The following DOCK4 variants were observed in gnomAD, a reference collection of about 807,000 sequenced individuals.
DOCK4 encodes dedicator of cytokinesis protein 4.
DOCK4 carries 97 observed loss-of-function variants against 268.1 expected under a neutral mutation model. The ratio of observed to expected loss-of-function variants is 0.36; its 90% CI spans 0.31 to 0.43. DOCK4 has a LOEUF of 0.43. Ranked by LOEUF, DOCK4 falls within the 20% of genes least tolerant of loss-of-function variation. The pLI is 1.00. For synonymous variants in DOCK4, 954 were observed against 887.2 expected, an observed-to-expected ratio of 1.08 and a Z score of -1.34; for missense variants, 2,145 against 2,455.7, an observed-to-expected ratio of 0.87 and a Z score of 2.67.
At chr7:111,739,266 G>C in intron 48 of DOCK4, 23 bp from the exon 49 acceptor site, 1 of 1,605,824 alleles carries the variant, frequency 6.2e-7, no homozygotes, top group South Asian at 1.1e-5. Flanking sequence ...GGAGAGAGAG[G>C]ATCATCAGCA....
At chr7:112,203,374 C>T (rs929195036) in intron 1 of DOCK4, among the ~76,000 whole-genome samples, 12 of 152,068 alleles carry the variant, frequency 7.9e-5, no homozygotes, top group African/African-American at 2.2e-4. Flanking sequence ...TTAAATGGGA[C>T]GGTGCCTATA....
chr7:112,054,257 A>G (rs1377278136), intron 1 of DOCK4, among the ~76,000 whole-genome samples: 2 of 152,216 alleles, frequency 1.3e-5, no homozygotes, highest in Non-Finnish European at 2.9e-5. Context: ...CAAAATAATG[A>G]CTTGCTCAGC....
intron 1 of DOCK4, among the ~76,000 whole-genome samples, chr7:112,055,394 C>T (rs1397271200): frequency 2.6e-5 from 4 of 152,056 alleles, no homozygotes; most frequent in Admixed American, 2.0e-4. Context: ...CCTGTAGATA[C>T]GCCAATGAAC....
At chr7:111,791,984 C>T (rs188404186) in intron 30 of DOCK4, among the ~76,000 whole-genome samples, 1 of 152,218 alleles carries the variant, frequency 6.6e-6, no homozygotes, top group African/African-American at 2.4e-5. Context: ...CAATAGTGAA[C>T]CCACAATGGT....
rs142078876 is a variant in DOCK4 at position 111,999,628 on chromosome 7, C to T, written c.162+866G>A. 1.9e-3 allele frequency among the ~76,000 whole-genome samples: 285 copies of T among 152,062 alleles called. 3 individuals carry two copies. Among genetic ancestry groups the T allele is most frequent in the African/African-American group, 6.5e-3 (271 of 41,516 alleles). On this transcript the variant is annotated intron_variant, in intron 3 of 52. Transcript: ENST00000428084. The stretch of plus-strand genomic sequence containing the variant: ...AATTTATATACTCTTTTGTCCCTTA[C>T]CGTTCCCCTTTAGGATGACCTAAAA...
At chr7:112,109,927 T>A (rs1381152699) in intron 1 of DOCK4, among the ~76,000 whole-genome samples, 1 of 146,484 alleles carries the variant, frequency 6.8e-6, no homozygotes, top group Non-Finnish European at 1.5e-5. Flanking sequence ...TTGTGTTTTT[T>A]AGGAGACGGG....
chr7:111,823,564 A>G (rs538967280), intron 26 of DOCK4, among the ~76,000 whole-genome samples: 1 of 152,268 alleles, frequency 6.6e-6, no homozygotes, highest in Non-Finnish European at 1.5e-5. Context: ...TATAGCATAC[A>G]ATACTTAAAG....
At chr7:111,985,923 A>C (rs1049516280) in intron 6 of DOCK4, among the ~76,000 whole-genome samples, 5 of 152,190 alleles carry the variant, frequency 3.3e-5, no homozygotes, top group Admixed American at 3.3e-4. Context: ...TTGCTGATGA[A>C]GATCATTTAG....
intron 1 of DOCK4, among the ~76,000 whole-genome samples, chr7:112,139,970 T>C (rs1259414452): frequency 6.6e-6 from 1 of 152,010 alleles, no homozygotes; most frequent in Non-Finnish European, 1.5e-5. Context: ...AATACAATTA[T>C]CTCTAGCATT....
chr7:111,940,883 C>A (rs1429058370), intron 10 of DOCK4, among the ~76,000 whole-genome samples: 1 of 152,016 alleles, frequency 6.6e-6, no homozygotes, highest in Non-Finnish European at 1.5e-5. Flanking sequence ...AGACAAAAAG[C>A]AAAAAGTACA....
intron 17 of DOCK4, 128 bp downstream of exon 17, chr7:111,876,902 T>A: frequency 3.3e-6 from 3 of 912,088 alleles, no homozygotes. Context: ...TTACTAGAAA[T>A]CACAAATGGA....
chr7:111,913,408 A>T (rs1006065086), intron 13 of DOCK4, among the ~76,000 whole-genome samples: 7 of 132,572 alleles, frequency 5.3e-5, no homozygotes, highest in Non-Finnish European at 9.8e-5. Flanking sequence ...CATCTTTACA[A>T]TTTTTTTTTT....
At chr7:111,785,695 C>T (rs1375079583) in intron 32 of DOCK4, among the ~76,000 whole-genome samples, 1 of 152,168 alleles carries the variant, frequency 6.6e-6, no homozygotes, top group African/African-American at 2.4e-5. Context: ...GAGAGGCTAT[C>T]ATCAAGAAGA....
chr7:112,083,548 T>C lies in DOCK4; in HGVS notation c.38-79417A>G, dbSNP rs534571172. ...ATCTCTAATTCTTTTTGGAACAAAATGATTAAGGTAAATAAAATAAAATAA... is the reference window on the plus strand; with the variant it reads ...ATCTCTAATTCTTTTTGGAACAAAACGATTAAGGTAAATAAAATAAAATAA... On this transcript the variant is annotated intron_variant, in intron 1 of 52. Coordinates refer to ENST00000428084, the MANE Select transcript of DOCK4 (RefSeq NM_001363540.2). Among the ~76,000 whole-genome samples the C allele has an allele frequency of 2.0e-4, 31 of 152,064 alleles. No homozygotes were observed. The South Asian group carries it at 6.2e-3, about 30-fold the overall frequency.
At chr7:111,873,448 G>A (rs949234953) in intron 17 of DOCK4, among the ~76,000 whole-genome samples, 1 of 152,188 alleles carries the variant, frequency 6.6e-6, no homozygotes, top group African/African-American at 2.4e-5. Context: ...GCAGGGCAGC[G>A]GGACCTGGTA....
intron 1 of DOCK4, among the ~76,000 whole-genome samples, chr7:112,081,125 G>A (rs150227768): frequency 6.6e-6 from 1 of 152,162 alleles, no homozygotes; most frequent in African/African-American, 2.4e-5. Context: ...CAGGAAGGCG[G>A]GTAGTGGTGC....
intron 1 of DOCK4, among the ~76,000 whole-genome samples, chr7:112,093,018 C>G (rs1809777314): frequency 6.6e-6 from 1 of 152,076 alleles, no homozygotes; most frequent in South Asian, 2.1e-4. Flanking sequence ...CTTTTTGTCT[C>G]TCTCATATGG....
Position 112,018,204 on chromosome 7 carries a change from G to A in DOCK4, c.38-14073C>T, listed in dbSNP as rs6966580. ...AACACAGGCAACCAGTATTCATGTG[G>A]CTTATGTTATCTAGGAAACTAATAA... On this transcript the variant is annotated intron_variant, in intron 1 of 52. Transcript: ENST00000428084. Among the ~76,000 whole-genome samples, 1,296 of 134,438 alleles carry A rather than the reference G, an allele frequency of 9.6e-3. 42 individuals are homozygous for A. The highest frequency in any genetic ancestry group is 0.014 in the Non-Finnish European group (908 of 62,736). 88.2% of individuals were successfully genotyped at this position (134,438 alleles called of 152,430 possible).
intron 1 of DOCK4, among the ~76,000 whole-genome samples, chr7:112,033,686 G>A (rs1160831838): frequency 6.6e-6 from 1 of 152,156 alleles, no homozygotes; most frequent in Non-Finnish European, 1.5e-5. Flanking sequence ...GTTCCGCTAA[G>A]GAAATGGATG....
Sources: allele counts gnomAD v4.1 joint callset (sites outside exome capture counted in the v4.1 genomes callset), GRCh38; gene constraint gnomAD v4.1.1; transcripts MANE v1.5; gene names NCBI Gene and HGNC (gene_info 2026-07-23, HGNC 2026-07-21).